Variants in PTPRE observed in about 807,000 individuals in gnomAD.
PTPRE encodes the protein protein tyrosine phosphatase receptor type E.
A neutral mutation model predicts 102.0 loss-of-function variants in PTPRE; 51 were observed. The observed-to-expected ratio is 0.50, with a 90% confidence interval of 0.40 to 0.63. The LOEUF is 0.63. Ranked by LOEUF, PTPRE falls within the 30% of genes least tolerant of loss-of-function variation. The pLI is 0.00. For missense variants in PTPRE, 752 were observed against 915.1 expected, an observed-to-expected ratio of 0.82 and a Z score of 2.30; for synonymous variants, 345 against 348.2, an observed-to-expected ratio of 0.99 and a Z score of 0.10.
At chr10:127,950,668 G>A (rs752506072) in intron 1 of PTPRE, among the ~76,000 whole-genome samples, 2 of 152,186 alleles carry the variant, frequency 1.3e-5, no homozygotes, top group Admixed American at 6.5e-5. Flanking sequence ...GGGGTGGCAG[G>A]GGCCAAGTGG....
chr10:128,004,565 G>A (rs1053748284), intron 2 of PTPRE, among the ~76,000 whole-genome samples: 17 of 152,066 alleles, frequency 1.1e-4, no homozygotes, highest in Admixed American at 9.2e-4. Flanking sequence ...TCACCTGTTC[G>A]GTAGCATGTA....
intron 2 of PTPRE, among the ~76,000 whole-genome samples, chr10:128,033,714 G>A (rs189075663): frequency 2.6e-5 from 4 of 152,276 alleles, no homozygotes; most frequent in South Asian, 2.1e-4. Flanking sequence ...GCACAATCTC[G>A]GCTCATTGCA....
chr10:128,040,877 C>T lies in PTPRE; in HGVS notation c.-5C>T, dbSNP rs1430870714. 3 of 1,613,514 alleles carry T rather than the reference C, an allele frequency of 1.9e-6. No homozygotes were observed. Among genetic ancestry groups the T allele is most frequent in the Non-Finnish European group, 2.5e-6 (3 of 1,179,646 alleles). ...AGCCTGTCCCTGCCTCTCTGCAGGTCCACCATGGAGCCCTTGTGTCCACTC... is the reference window on the plus strand; with the variant it reads ...AGCCTGTCCCTGCCTCTCTGCAGGTTCACCATGGAGCCCTTGTGTCCACTC... On this transcript the variant is annotated splice_region_variant and 5_prime_UTR_variant, in exon 3 of 21. Coordinates refer to ENST00000254667, the MANE Select transcript of PTPRE (RefSeq NM_006504.6).
At chr10:127,937,211 A>T (rs182035275) in intron 1 of PTPRE, among the ~76,000 whole-genome samples, 289 of 152,324 alleles carry the variant, frequency 1.9e-3, no homozygotes, top group Middle Eastern at 3.4e-3. Context: ...TATTCACATG[A>T]TAATGGCTTT....
At chr10:128,082,195 CTTTTTTTTTTTT>C (rs35709074) in intron 20 of PTPRE, among the ~76,000 whole-genome samples, 4 of 89,036 alleles carry the variant, frequency 4.5e-5, no homozygotes, top group African/African-American at 1.8e-4. Context: ...TTTTCTCTTT[CTTTTTTTTTTTT>C]TTTTTTTTTT....
intron 1 of PTPRE, among the ~76,000 whole-genome samples, chr10:127,911,505 G>C (rs1845865425): frequency 6.6e-6 from 1 of 152,208 alleles, no homozygotes; most frequent in Non-Finnish European, 1.5e-5. Flanking sequence ...TTCTAGACCA[G>C]AACATAAAGC....
chr10:128,078,965 C>T lies in PTPRE; in HGVS notation c.1893-595C>T, dbSNP rs778179115. ...AGCCCAGTACACCTGGGCTCTCCTA[C>T]GAGGGCCTGGGCTCTGCTCTTGTGG... is the stretch of plus-strand genomic sequence containing the variant. On this transcript the variant is annotated intron_variant, in intron 19 of 20. Transcript: ENST00000254667. Among the ~76,000 whole-genome samples, 5 of 152,176 alleles carry T rather than the reference C, an allele frequency of 3.3e-5. 1 individual carries two copies. Among genetic ancestry groups the T allele is most frequent in the Non-Finnish European group, 7.4e-5 (5 of 68,022 alleles).
At chr10:128,003,137 C>T (rs1854141299) in intron 2 of PTPRE, among the ~76,000 whole-genome samples, 1 of 152,182 alleles carries the variant, frequency 6.6e-6, no homozygotes, top group South Asian at 2.1e-4. Context: ...TCCTTCCTGA[C>T]CTCGGGAGGT....
At chr10:127,950,703 G>A (rs748717645) in intron 1 of PTPRE, among the ~76,000 whole-genome samples, 2 of 152,212 alleles carry the variant, frequency 1.3e-5, no homozygotes, top group Non-Finnish European at 2.9e-5. Flanking sequence ...CAAAGGCAAG[G>A]TGGATGTAGT....
chr10:128,000,084 GT>G, intron 2 of PTPRE: 1 of 553,108 alleles, frequency 1.8e-6, no homozygotes, highest in Non-Finnish European at 2.3e-6. Flanking sequence ...AGTATTAAAT[GT>G]TGTTACTGGT....
intron 2 of PTPRE, among the ~76,000 whole-genome samples, chr10:127,996,399 CAG>C (rs755422550): frequency 1.1e-4 from 17 of 152,316 alleles, no homozygotes; most frequent in Non-Finnish European, 2.1e-4. Flanking sequence ...CACCAGCAAA[CAG>C]GGTGAGAAAG....
In PTPRE at chr10:128,004,788, T is replaced by C. The variant is rs1854348745; in HGVS notation, c.-8+22492T>C. 2.0e-5 allele frequency among the ~76,000 whole-genome samples: 3 copies of C among 152,336 alleles called. No individual in the cohort carries two copies. In the South Asian group the frequency reaches 6.2e-4, roughly 32 times the overall value. Reference sequence around the variant, plus strand: ...GGAGTGGAATTTAAACATCATTTTATGGTTAAATTTTGAGGAACCATTAAA... The same window carrying C: ...GGAGTGGAATTTAAACATCATTTTACGGTTAAATTTTGAGGAACCATTAAA... On this transcript the variant is annotated intron_variant, in intron 2 of 20. Transcript: ENST00000254667.
chr10:127,985,537 T>C (rs540160605), intron 2 of PTPRE, among the ~76,000 whole-genome samples: 1 of 152,066 alleles, frequency 6.6e-6, no homozygotes, highest in Non-Finnish European at 1.5e-5. Flanking sequence ...TGAGCCAGGA[T>C]TGTGCCACTG....
rs143626257 is a variant in PTPRE, at chr10:127,927,212, G to A, written c.-31+19903G>A. On this transcript the variant is annotated intron_variant, in intron 1 of 20. Coordinates refer to ENST00000254667, the MANE Select transcript of PTPRE (RefSeq NM_006504.6). Reference sequence around the variant, plus strand: ...CCACCCCCCCGGGGGTTGGGTTCTCGCTCACCATTAGGGAGATAGCATGTT... The same window carrying A: ...CCACCCCCCCGGGGGTTGGGTTCTCACTCACCATTAGGGAGATAGCATGTT... Among the ~76,000 whole-genome samples, 122 of 152,222 alleles carry A rather than the reference G, an allele frequency of 8.0e-4. 1 individual carries two copies. Among genetic ancestry groups the A allele is most frequent in the African/African-American group, 2.9e-3 (119 of 41,546 alleles).
intron 1 of PTPRE, among the ~76,000 whole-genome samples, chr10:127,969,205 G>A (rs146882210): frequency 1.2e-3 from 179 of 152,278 alleles, no homozygotes; most frequent in Admixed American, 2.2e-3. Context: ...TTCTTTCACC[G>A]TCTCTTTTTA....
chr10:127,994,800 C>T (rs1031016362), intron 2 of PTPRE, among the ~76,000 whole-genome samples: 5 of 152,166 alleles, frequency 3.3e-5, no homozygotes, highest in Admixed American at 1.3e-4. Flanking sequence ...AAGGGAGAGC[C>T]TCATTCCAGG....
intron 1 of PTPRE, among the ~76,000 whole-genome samples, chr10:127,965,657 C>G (rs935740397): frequency 6.6e-6 from 1 of 152,152 alleles, no homozygotes; most frequent in Non-Finnish European, 1.5e-5. Context: ...TGTATTTTAG[C>G]GGCCAGATGT....
intron 1 of PTPRE, among the ~76,000 whole-genome samples, chr10:127,959,000 G>A (rs769092520): frequency 1.5e-4 from 22 of 150,576 alleles, no homozygotes; most frequent in Non-Finnish European, 2.9e-4. Context: ...GGGTTCAAGC[G>A]ATTCTCCCAT....
rs1259767433 is a variant in PTPRE at position 127,907,973 on chromosome 10, G to C, written c.-31+664G>C. ...GGCTCCTGAGCACAGATGCGAGCGC[G>C]GTGCCAATTCTGAGAGCTCCCGGGA... On this transcript the variant is annotated intron_variant, in intron 1 of 20. Transcript: ENST00000254667. This position sits in a 1 kb window ranked among gnomAD's most constrained non-coding sequence, Gnocchi z 4.8. Among the ~76,000 whole-genome samples the C allele has an allele frequency of 6.6e-6, 1 of 152,166 alleles. No homozygotes were observed. The highest frequency in any genetic ancestry group is 1.5e-5 in the Non-Finnish European group (1 of 68,028).
Sources: allele counts gnomAD v4.1 joint callset (sites outside exome capture counted in the v4.1 genomes callset), GRCh38; gene constraint gnomAD v4.1.1; non-coding constraint Gnocchi (gnomAD v3.1); transcripts MANE v1.5; gene names NCBI Gene and HGNC (gene_info 2026-07-23, HGNC 2026-07-21).